Variants in GNA14 observed in about 807,000 individuals in gnomAD.
GNA14 encodes guanine nucleotide-binding protein subunit alpha-14.
Under a neutral mutation model 42.0 loss-of-function variants are expected in GNA14, and 50 were observed. That is an observed-to-expected ratio of 1.19 (90% CI 0.95 to 1.51). GNA14 has a LOEUF of 1.51. Ranked by LOEUF, GNA14 falls within the 40% of genes most tolerant of loss-of-function variation. GNA14 has a pLI of 0.00. For synonymous variants in GNA14, 173 were observed against 163.1 expected, an observed-to-expected ratio of 1.06 and a Z score of -0.46; for missense variants, 473 against 446.2, an observed-to-expected ratio of 1.06 and a Z score of -0.54.
At chr9:77,638,182 CATT>C (rs929612944) in intron 1 of GNA14, among the ~76,000 whole-genome samples, 11 of 152,188 alleles carry the variant, frequency 7.2e-5, no homozygotes, top group African/African-American at 2.7e-4. Context: ...ACCATCCAGT[CATT>C]ATTAAAACAT....
intron 2 of GNA14, among the ~76,000 whole-genome samples, chr9:77,463,641 C>G (rs1225778016): frequency 6.6e-6 from 1 of 152,226 alleles, no homozygotes; most frequent in African/African-American, 2.4e-5. Flanking sequence ...TGTAGTTTCT[C>G]AACCAGTATC....
chr9:77,513,721 G>A (rs551340014), intron 2 of GNA14, among the ~76,000 whole-genome samples: 4 of 152,152 alleles, frequency 2.6e-5, no homozygotes, highest in African/African-American at 7.2e-5. Flanking sequence ...GAGTCTTCCC[G>A]AACACATGAT....
At chr9:77,525,913 A>T (rs867998433) in intron 2 of GNA14, among the ~76,000 whole-genome samples, 336 of 125,562 alleles carry the variant, frequency 2.7e-3, no homozygotes, top group African/African-American at 0.016. Context: ...TTTTTTTAAA[A>T]AAAAAAAAAA....
chr9:77,516,441 G>A (rs1037188607), intron 2 of GNA14, among the ~76,000 whole-genome samples: 3 of 152,056 alleles, frequency 2.0e-5, no homozygotes, highest in African/African-American at 7.2e-5. Flanking sequence ...AAGTAACACA[G>A]GTCAGCCGGG....
chr9:77,601,390 A>G (rs565437195), intron 1 of GNA14, among the ~76,000 whole-genome samples: 1 of 152,326 alleles, frequency 6.6e-6, no homozygotes, highest in African/African-American at 2.4e-5. Context: ...AGACACTAAC[A>G]TCAGCGTTCA....
chr9:77,567,685 G>A (rs1822988374), intron 1 of GNA14, among the ~76,000 whole-genome samples: 1 of 152,084 alleles, frequency 6.6e-6, no homozygotes, highest in East Asian at 1.9e-4. Flanking sequence ...TGGCCAACAT[G>A]GCAAAACCCC....
intron 1 of GNA14, among the ~76,000 whole-genome samples, chr9:77,587,928 T>C (rs1252725892): frequency 1.3e-5 from 2 of 152,180 alleles, no homozygotes; most frequent in Non-Finnish European, 2.9e-5. Flanking sequence ...GGAGGCTTCA[T>C]TCCATGCCTT....
intron 1 of GNA14, among the ~76,000 whole-genome samples, chr9:77,582,778 T>C (rs886743957): frequency 2.6e-5 from 4 of 152,202 alleles, no homozygotes; most frequent in Non-Finnish European, 5.9e-5. Flanking sequence ...GTTGCCTACG[T>C]ATCTGTGCTT....
chr9:77,574,805 C>A lies in GNA14; in HGVS notation c.125-45552G>T, dbSNP rs144247498. Among the ~76,000 whole-genome samples the A allele has an allele frequency of 4.5e-3, 684 of 152,344 alleles. 7 individuals are homozygous for A. Among genetic ancestry groups the A allele is most frequent in the African/African-American group, 0.016 (657 of 41,580 alleles). ...GCTATCTGTGACATGTGGCCTCCAACATTGCTACAACAAAAGAAGAGAAAC... is the reference window on the plus strand; with the variant it reads ...GCTATCTGTGACATGTGGCCTCCAAAATTGCTACAACAAAAGAAGAGAAAC... On this transcript the variant is annotated intron_variant, in intron 1 of 6. Coordinates refer to ENST00000341700, the MANE Select transcript of GNA14 (RefSeq NM_004297.4).
intron 1 of GNA14, among the ~76,000 whole-genome samples, chr9:77,602,147 C>A (rs144875157): frequency 5.9e-5 from 9 of 152,226 alleles, no homozygotes; most frequent in Middle Eastern, 3.4e-3. Flanking sequence ...AATGATATTG[C>A]CAGAATGAAT....
At chr9:77,590,205 C>A (rs1823370121) in intron 1 of GNA14, among the ~76,000 whole-genome samples, 1 of 152,194 alleles carries the variant, frequency 6.6e-6, no homozygotes, top group African/African-American at 2.4e-5. Flanking sequence ...GCATGAGCCA[C>A]CGCACCCGGC....
chr9:77,527,057 G>A (rs1345694959), intron 2 of GNA14, among the ~76,000 whole-genome samples: 3 of 152,128 alleles, frequency 2.0e-5, no homozygotes, highest in South Asian at 2.1e-4. Context: ...TCTCCTCAGT[G>A]GGTCTGTTTA....
chr9:77,433,496 C>A (rs1835592812), intron 3 of GNA14, among the ~76,000 whole-genome samples: 1 of 152,014 alleles, frequency 6.6e-6, no homozygotes, highest in South Asian at 2.1e-4. Context: ...AAGACATCCT[C>A]CCGCCTCAGC....
intron 2 of GNA14, among the ~76,000 whole-genome samples, chr9:77,505,650 G>A (rs779997242): frequency 1.3e-5 from 2 of 152,200 alleles, no homozygotes; most frequent in Non-Finnish European, 2.9e-5. Flanking sequence ...TTGCTAGTCA[G>A]AAATTTCAGA....
At chr9:77,620,848 C>CAA (rs35141766) in intron 1 of GNA14, among the ~76,000 whole-genome samples, 1,090 of 73,674 alleles carry the variant, frequency 0.015, 17 homozygotes, top group Non-Finnish European at 0.016. Context: ...AATCTTGTCT[C>CAA]AAAAAAAAAA....
intron 2 of GNA14, among the ~76,000 whole-genome samples, chr9:77,507,506 G>C (rs1587806682): frequency 6.6e-6 from 1 of 152,222 alleles, no homozygotes; most frequent in Non-Finnish European, 1.5e-5. Context: ...TCAAAGCCAA[G>C]AACAGCAACT....
intron 2 of GNA14, among the ~76,000 whole-genome samples, chr9:77,525,550 T>C (rs1166646380): frequency 6.6e-6 from 1 of 151,140 alleles, no homozygotes; most frequent in African/African-American, 2.4e-5. Context: ...CTTTTTTTTT[T>C]TTTTTTGAGA....
chr9:77,647,665 C>T lies in GNA14; in HGVS notation c.124+5G>A, dbSNP rs752297329. 10 of 1,608,126 alleles carry T rather than the reference C, an allele frequency of 6.2e-6. No homozygotes were observed. The highest frequency in any genetic ancestry group is 4.2e-6 in the Non-Finnish European group (5 of 1,177,818). On this transcript the variant is annotated splice_donor_5th_base_variant and intron_variant, in intron 1 of 6. Coordinates refer to ENST00000341700, the MANE Select transcript of GNA14 (RefSeq NM_004297.4). ...CTCACTGGAGTCGGAGACGCAGCCA[C>T]TCACCCAGCAGCAGCAGCTTAAGCT...
intron 2 of GNA14, among the ~76,000 whole-genome samples, chr9:77,477,187 T>C (rs1413036633): frequency 1.3e-5 from 2 of 151,982 alleles, no homozygotes; most frequent in African/African-American, 2.4e-5. Flanking sequence ...CGAAACCCTG[T>C]CTCTACTAAA....
Sources: allele counts gnomAD v4.1 joint callset (sites outside exome capture counted in the v4.1 genomes callset), GRCh38; gene constraint gnomAD v4.1.1; transcripts MANE v1.5; gene names NCBI Gene and HGNC (gene_info 2026-07-23, HGNC 2026-07-21).